The following COG5 variants were observed in gnomAD, a reference collection of about 807,000 sequenced individuals.
COG5 encodes the protein component of oligomeric golgi complex 5.
A neutral mutation model predicts 110.4 loss-of-function variants in COG5; 86 were observed. That is an observed-to-expected ratio of 0.78 (90% CI 0.65 to 0.93). The LOEUF is 0.93. COG5 is among the 40% of genes least tolerant of loss of function. The pLI is 0.00. For missense variants in COG5, 1,077 were observed against 987.0 expected (o/e 1.09, Z -1.22); for synonymous variants, 360 against 334.6 (o/e 1.08, Z -0.83).
Position 107,372,628 on chromosome 7 carries a change from C to A in COG5, c.802G>T (p.Val268Phe), listed in dbSNP as rs2129050098. ...GCTGACTGGGAAGGCTGAGTCAAAACTTTTATGTCTAATGCACTGTTGATA... is the reference window on the plus strand; with the variant it reads ...GCTGACTGGGAAGGCTGAGTCAAAAATTTTATGTCTAATGCACTGTTGATA... ...ENINSALDIK[V>F]LTQPSQSAVR... is the part of the protein sequence containing the mutation. The change falls in exon 8 of 22, where the codon GTT becomes TTT. Residue 268 changes from valine to phenylalanine, a missense_variant. Physicochemically the swap from Val to Phe is conservative, Grantham distance 50. Coordinates refer to ENST00000297135, the MANE Select transcript of COG5 (RefSeq NM_006348.5). The A allele has an allele frequency of 6.2e-7, 1 of 1,613,668 alleles. No individual in the cohort carries two copies. Among genetic ancestry groups the A allele is most frequent in the East Asian group, 2.2e-5 (1 of 44,808 alleles).
intron 19 of COG5, among the ~76,000 whole-genome samples, chr7:107,219,258 C>T (rs1799733025): frequency 6.6e-6 from 1 of 152,104 alleles, no homozygotes; most frequent in African/African-American, 2.4e-5. Flanking sequence ...ATTAATACAA[C>T]CATTTTGGAA....
At chr7:107,442,184 T>A (rs535212960) in intron 6 of COG5, among the ~76,000 whole-genome samples, 4 of 152,256 alleles carry the variant, frequency 2.6e-5, no homozygotes, top group South Asian at 2.1e-4. Context: ...CTCAAGAGAT[T>A]TGGCTGTTTA....
intron 10 of COG5, among the ~76,000 whole-genome samples, chr7:107,357,699 C>T (rs1302525455): frequency 6.6e-6 from 1 of 152,110 alleles, no homozygotes; most frequent in East Asian, 1.9e-4. Flanking sequence ...GAAAGGGTCT[C>T]ACTTTATTAC....
At chr7:107,360,791 C>T (rs1230893019) in intron 10 of COG5, among the ~76,000 whole-genome samples, 1 of 152,240 alleles carries the variant, frequency 6.6e-6, no homozygotes, top group Non-Finnish European at 1.5e-5. Flanking sequence ...CACTCACATA[C>T]CACTCACTGC....
In COG5 at chr7:107,412,636, T is replaced by C; in HGVS notation, c.539-4A>G. On this transcript the variant is annotated splice_polypyrimidine_tract_variant and splice_region_variant and intron_variant, in intron 6 of 21. Transcript: ENST00000297135. Reference sequence around the variant, plus strand: ...TCTATTCCTTGAGAAAGATAATCTGTTTAAAACAAAAACATACACATTCAA... The same window carrying C: ...TCTATTCCTTGAGAAAGATAATCTGCTTAAAACAAAAACATACACATTCAA... 6.7e-7 allele frequency: 1 copy of C among 1,487,772 alleles called. No homozygotes were observed. Among genetic ancestry groups the C allele is most frequent in the Non-Finnish European group, 9.3e-7 (1 of 1,069,764 alleles). 92.2% of individuals were successfully genotyped at this position (1,487,772 alleles called of 1,614,324 possible). A position where few individuals can be genotyped will look rare whatever the true frequency, so the allele number is the denominator to read the frequency against.
chr7:107,368,190 G>A (rs1192485026), intron 8 of COG5, among the ~76,000 whole-genome samples: 1 of 151,630 alleles, frequency 6.6e-6, no homozygotes, highest in Non-Finnish European at 1.5e-5. Context: ...TTTAAATTTG[G>A]AGGTATCAAT....
intron 10 of COG5, among the ~76,000 whole-genome samples, chr7:107,344,158 G>T (rs1374261596): frequency 1.3e-5 from 2 of 152,126 alleles, no homozygotes; most frequent in Non-Finnish European, 2.9e-5. Flanking sequence ...AGTCCTAGTT[G>T]GCATCTTCTT....
At chr7:107,271,361 A>C (rs1804255637) in intron 14 of COG5, among the ~76,000 whole-genome samples, 1 of 152,200 alleles carries the variant, frequency 6.6e-6, no homozygotes, top group South Asian at 2.1e-4. Flanking sequence ...TCAAATCTAC[A>C]GATCAATTTC....
chr7:107,476,707 A>C (rs1234354415), intron 6 of COG5, among the ~76,000 whole-genome samples: 1 of 151,750 alleles, frequency 6.6e-6, no homozygotes, highest in Non-Finnish European at 1.5e-5. Context: ...AAATAGGAAA[A>C]TACTGCATTG....
intron 16 of COG5, among the ~76,000 whole-genome samples, chr7:107,254,458 C>T (rs958651419): frequency 2.6e-5 from 4 of 151,952 alleles, no homozygotes; most frequent in African/African-American, 9.7e-5. Context: ...TTAAAACTTT[C>T]ACTGAGTGTA....
rs1250022388 is a variant in COG5 at position 107,485,301 on chromosome 7, T to A, written c.538+41936A>T. On this transcript the variant is annotated intron_variant, in intron 6 of 21. Coordinates refer to ENST00000297135, the MANE Select transcript of COG5 (RefSeq NM_006348.5). ...TAAGAAAAGTCTACTTTGCCTGAAA[T>A]TTCTGATCCTCAAAACTGATGATTT... Among the ~76,000 whole-genome samples, 4 of 152,312 alleles carry A rather than the reference T, an allele frequency of 2.6e-5. No homozygotes were observed. The South Asian group carries it at 8.3e-4, about 32-fold the overall frequency.
intron 14 of COG5, among the ~76,000 whole-genome samples, chr7:107,269,348 G>A (rs1265653145): frequency 5.9e-5 from 9 of 151,986 alleles, no homozygotes; most frequent in Admixed American, 2.0e-4. Context: ...GGTGGCGGAC[G>A]CCTGTAGTCC....
intron 2 of COG5, 35 bp from the exon 3 acceptor site, chr7:107,554,377 T>C (rs746599440): frequency 2.5e-6 from 4 of 1,579,960 alleles, no homozygotes; most frequent in East Asian, 4.5e-5. Context: ...GCTTTTGCTC[T>C]GTTAGGTATT....
intron 12 of COG5, among the ~76,000 whole-genome samples, chr7:107,288,946 ATATATATATATATATATT>A (rs1562952441): frequency 1.8e-5 from 2 of 114,060 alleles, no homozygotes; most frequent in African/African-American, 4.0e-5. Flanking sequence ...ATATATATAT[ATATATATATATATATATT>A]TAAAAATTTA....
At chr7:107,418,579 A>G (rs1262312808) in intron 6 of COG5, among the ~76,000 whole-genome samples, 1 of 137,744 alleles carries the variant, frequency 7.3e-6, no homozygotes, top group Non-Finnish European at 1.6e-5. Flanking sequence ...ACATCCACAC[A>G]CAGACACATA....
intron 6 of COG5, chr7:107,475,570 A>G: frequency 2.3e-6 from 1 of 429,606 alleles, no homozygotes; most frequent in Non-Finnish European, 4.3e-6. Context: ...TTAAAGTACT[A>G]TCATGTGTAT....
intron 6 of COG5, among the ~76,000 whole-genome samples, chr7:107,447,115 T>A (rs1161093007): frequency 6.6e-6 from 1 of 152,146 alleles, no homozygotes; most frequent in Non-Finnish European, 1.5e-5. Context: ...ACTTTCTGGT[T>A]TCCTTGCTGC....
intron 6 of COG5, among the ~76,000 whole-genome samples, chr7:107,434,149 T>C (rs569176989): frequency 9.9e-5 from 15 of 152,106 alleles, no homozygotes; most frequent in African/African-American, 3.4e-4. Context: ...ATTAAAAAAA[T>C]ACACAAAACA....
At chr7:107,253,975 T>C (rs1352768156) in intron 16 of COG5, among the ~76,000 whole-genome samples, 4 of 152,180 alleles carry the variant, frequency 2.6e-5, no homozygotes, top group African/African-American at 9.6e-5. Context: ...TTTTTCATCA[T>C]AGCGCTTATC....
Sources: allele counts gnomAD v4.1 joint callset (sites outside exome capture counted in the v4.1 genomes callset), GRCh38; gene constraint gnomAD v4.1.1; transcripts MANE v1.5; gene names NCBI Gene and HGNC (gene_info 2026-07-23, HGNC 2026-07-21).